The following SCYGR2 variants were observed in gnomAD, a reference collection of about 807,000 sequenced individuals.
SCYGR2 encodes small cysteine and glycine repeat-containing protein 2.
rs1559217382 is a variant in SCYGR2 at position 227,598,935 on chromosome 2, CGCTGTGGTGGCT to C, written c.46_57del (p.Cys16_Cys19del). 47 of 372,786 alleles carry C rather than the reference CGCTGTGGTGGCT, an allele frequency of 1.3e-4. 1 individual carries two copies. Among genetic ancestry groups the C allele is most frequent in the Admixed American group, 2.1e-4 (4 of 19,230 alleles). 23.1% of individuals were successfully genotyped at this position (372,786 alleles called of 1,614,324 possible). On this transcript the variant is annotated inframe_deletion, in exon 1 of 1. Transcript: ENST00000641394. ...TGGAGGTTGTGGTGGCTGCGGTGGC[CGCTGTGGTGGCT>C]GCGGTGGTGGCTGTGGTGGTGGCTG...
chr2:227,599,104 G>A, exon 1 of SCYGR2: 1 of 402,970 alleles, frequency 2.5e-6, no homozygotes, highest in Non-Finnish European at 4.4e-6. Flanking sequence ...TGCTGCTCCA[G>A]CTGCTGCCCC....
rs79826578 is a variant in SCYGR2, at chr2:227,599,181, C to T, written c.289C>T (p.His97Tyr). 2.0e-4 allele frequency: 78 copies of T among 399,066 alleles called. No individual in the cohort carries two copies. The East Asian group carries it at 2.5e-3, about 13-fold the overall frequency. The allele number at this position is 399,066 out of a possible 1,614,324, so 24.7% of individuals were successfully genotyped here. ...GATCTGTTGCTGCCGCCGCACCTGC[C>T]ACTCATGTGGCTGTGGCTGTGGGAA... The change falls in exon 1 of 1, where the codon CAC becomes TAC. Residue 97 changes from histidine (H) to tyrosine (Y), a missense_variant. Physicochemically the swap from His to Tyr is moderately conservative, Grantham distance 83. Coordinates refer to ENST00000641394, the Ensembl canonical transcript of SCYGR2.
exon 1 of SCYGR2, chr2:227,599,226 T>G (rs34853228): frequency 0.059 from 23,471 of 399,750 alleles, 918 homozygotes; most frequent in Admixed American, 0.079. Flanking sequence ...CCAGCAGAAA[T>G]GCTGCTGCCA....
chr2:227,599,083 A>C, exon 1 of SCYGR2: 2 of 403,602 alleles, frequency 5.0e-6, no homozygotes, highest in Non-Finnish European at 8.7e-6. Flanking sequence ...TGCAGGTGCT[A>C]CCGGGTGGGC....
At chr2:227,599,072 C>T in exon 1 of SCYGR2, 1 of 406,236 alleles carries the variant, frequency 2.5e-6, no homozygotes, top group Non-Finnish European at 4.3e-6. Flanking sequence ...GCTGCACCAC[C>T]TGCAGGTGCT....
chr2:227,599,150 T>A (rs555210597), exon 1 of SCYGR2: 499 of 399,920 alleles, frequency 1.2e-3, no homozygotes, highest in East Asian at 2.5e-3. Flanking sequence ...GCTGCAGCAC[T>A]CCCGTGATCT....
At chr2:227,599,111 C>T (rs1327596185) in exon 1 of SCYGR2, 1 of 402,540 alleles carries the variant, frequency 2.5e-6, no homozygotes, top group Non-Finnish European at 4.4e-6. Flanking sequence ...CCAGCTGCTG[C>T]CCCTGCTGCC....
exon 1 of SCYGR2, chr2:227,599,101 C>A: frequency 2.5e-6 from 1 of 402,940 alleles, no homozygotes; most frequent in Non-Finnish European, 4.4e-6. Flanking sequence ...GGCTGCTGCT[C>A]CAGCTGCTGC....
rs147459987 is a variant in SCYGR2 at position 227,598,961 on chromosome 2, T to C, written c.69T>C (p.Cys23=). Residue 23 remains cysteine (C), a synonymous_variant, in exon 1 of 1, where the codon TGT becomes TGC. Coordinates refer to ENST00000641394, the Ensembl canonical transcript of SCYGR2. ...GCTGTGGTGGCTGCGGTGGTGGCTGTGGTGGTGGCTGTGGTGGTGGCTGCG... is the reference window on the plus strand; with the variant it reads ...GCTGTGGTGGCTGCGGTGGTGGCTGCGGTGGTGGCTGTGGTGGTGGCTGCG... 920 of 258,394 alleles carry C rather than the reference T, an allele frequency of 3.6e-3. 6 individuals carry two copies. Among genetic ancestry groups the C allele is most frequent in the Admixed American group, 9.2e-3 (134 of 14,600 alleles). 16.0% of individuals were successfully genotyped at this position (258,394 alleles called of 1,614,324 possible).
exon 1 of SCYGR2, chr2:227,598,921 G>A: frequency 2.4e-6 from 1 of 422,498 alleles, no homozygotes. Context: ...GGAGGTTGTG[G>A]TGGCTGCGGT....
rs1575136306 is a variant in SCYGR2 at position 227,599,014 on chromosome 2, G to A, written c.122G>A (p.Gly41Asp). ...GGTGGCTGTGGTGGTGGCTGTGGTG[G>A]TGGCTGCGGTGGTGGCTGCGGTGGT... Residue 41 changes from glycine to aspartate, a missense_variant, in exon 1 of 1, where the codon GGT (glycine) becomes GAT (aspartate). Transcript: ENST00000641394. 9.5e-6 allele frequency: 4 copies of A among 420,916 alleles called. No homozygotes were observed. In the East Asian group the frequency reaches 1.4e-4, roughly 15 times the overall value. The allele number at this position is 420,916 out of a possible 1,614,324, so 26.1% of individuals were successfully genotyped here.
chr2:227,598,949 CGGTGGTGGCTGT>C (rs1188831240), exon 1 of SCYGR2: 98 of 224,176 alleles, frequency 4.4e-4, no homozygotes, highest in East Asian at 1.2e-3. Flanking sequence ...GTGGTGGCTG[CGGTGGTGGCTGT>C]GGTGGTGGCT....
At position 227,598,919 on chromosome 2, in the gene SCYGR2, T is replaced by A; in HGVS notation, c.27T>A (p.Cys9Ter). 1 of 422,626 alleles carries A rather than the reference T, an allele frequency of 2.4e-6. No individual in the cohort carries two copies. Among genetic ancestry groups the A allele is most frequent in the South Asian group, 9.1e-5 (1 of 11,024 alleles). The allele number at this position is 422,626 out of a possible 1,614,324, so 26.2% of individuals were successfully genotyped here. The stretch of plus-strand genomic sequence containing the variant: ...TGGGTTGCTGTGGTTGTGGAGGTTG[T>A]GGTGGCTGCGGTGGCCGCTGTGGTG... The change falls in exon 1 of 1, where the codon TGT becomes TGA. Residue 9 changes from cysteine to a stop codon, truncating the protein, a stop_gained. Transcript: ENST00000641394. LOFTEE classifies it low-confidence loss of function (END_TRUNC).
At chr2:227,599,121 C>T (rs545803845) in exon 1 of SCYGR2, 22 of 402,002 alleles carry the variant, frequency 5.5e-5, no homozygotes, top group Non-Finnish European at 9.2e-5. Context: ...CCCCTGCTGC[C>T]GTGGCTGCTG....
exon 1 of SCYGR2, chr2:227,599,078 G>T (rs1575136356): frequency 2.5e-6 from 1 of 404,812 alleles, no homozygotes; most frequent in East Asian, 3.5e-5. Context: ...CCACCTGCAG[G>T]TGCTACCGGG....
At chr2:227,598,949 C>CGGTGGTGGCTGT (rs1188831240) in exon 1 of SCYGR2, 15 of 224,096 alleles carry the variant, frequency 6.7e-5, no homozygotes, top group African/African-American at 1.4e-4. Context: ...GTGGTGGCTG[C>CGGTGGTGGCTGT]GGTGGTGGCT....
At position 227,599,249 on chromosome 2, in the gene SCYGR2, C is replaced by A. The variant is rs1458373665; in HGVS notation, c.357C>A (p.Cys119Ter). Residue 119 changes from cysteine (C) to a stop codon, truncating the protein, a stop_gained, in exon 1 of 1, where the codon TGC becomes TGA. Transcript: ENST00000641394. LOFTEE classifies it high-confidence loss of function. ...AATGCTGCTGCCAGAAGCAATGCTGCTGCTAGGTGGCCGGCCTGGTTCCAC... is the reference window on the plus strand; with the variant it reads ...AATGCTGCTGCCAGAAGCAATGCTGATGCTAGGTGGCCGGCCTGGTTCCAC... 3 of 399,876 alleles carry A rather than the reference C, an allele frequency of 7.5e-6. No individual in the cohort carries two copies. The highest frequency in any genetic ancestry group is 1.3e-5 in the Non-Finnish European group (3 of 227,044). The allele number at this position is 399,876 out of a possible 1,614,324, so 24.8% of individuals were successfully genotyped here.
At chr2:227,599,173 G>A (rs1052018908) in exon 1 of SCYGR2, 26 of 399,250 alleles carry the variant, frequency 6.5e-5, no homozygotes, top group Non-Finnish European at 1.1e-4. Flanking sequence ...TGCTGCCGCC[G>A]CACCTGCCAC....
exon 1 of SCYGR2, chr2:227,599,091 G>A: frequency 2.5e-6 from 1 of 403,754 alleles, no homozygotes; most frequent in South Asian, 1.1e-4. Context: ...CTACCGGGTG[G>A]GCTGCTGCTC....
Sources: allele counts gnomAD v4.1 joint callset, GRCh38; gene constraint gnomAD v4.1.1; transcripts MANE v1.5; gene names NCBI Gene and HGNC (gene_info 2026-07-23, HGNC 2026-07-21).